ITGA2B: variants seen among roughly 807,000 people sequenced by gnomAD.
The protein encoded by ITGA2B is integrin alpha-IIb.
In ITGA2B, 91 loss-of-function variants were observed where a neutral mutation model predicts 142.0. The ratio of observed to expected loss-of-function variants is 0.64; its 90% CI spans 0.54 to 0.76. The LOEUF is 0.76. Ranked by LOEUF, ITGA2B falls within the 30% of genes least tolerant of loss-of-function variation. The pLI is 0.00. For missense variants in ITGA2B, 1,231 were observed against 1,350.8 expected (o/e 0.91, Z 1.39); for synonymous variants, 536 against 567.2 (o/e 0.94, Z 0.78).
intron 5 of ITGA2B, 29 bp from the exon 6 acceptor site, chr17:44,385,238 G>T (rs746009437): frequency 1.2e-6 from 2 of 1,613,820 alleles, no homozygotes; most frequent in Non-Finnish European, 1.7e-6. Flanking sequence ...GGGTGAGAGG[G>T]GGCCCTGTTT....
chr17:44,374,211 T>C, intron 29 of ITGA2B, 143 bp downstream of exon 29: 1 of 788,656 alleles, frequency 1.3e-6, no homozygotes, highest in Non-Finnish European at 2.2e-6. Context: ...GGACCGAGAA[T>C]GACATTCTAA....
At chr17:44,378,190 G>A (rs1238211170) in intron 20 of ITGA2B, among the ~76,000 whole-genome samples, 172 bp downstream of exon 20, 3 of 151,724 alleles carry the variant, frequency 2.0e-5, no homozygotes, top group Non-Finnish European at 2.9e-5. Flanking sequence ...ATAGAGTTTT[G>A]GAATTCTGTG....
At chr17:44,380,516 G>T in intron 14 of ITGA2B, 26 bp from the exon 15 acceptor site, 1 of 1,613,704 alleles carries the variant, frequency 6.2e-7, no homozygotes, top group Non-Finnish European at 8.5e-7. Flanking sequence ...GATGGGGTAG[G>T]CTTGCCATTG....
Position 44,375,672 on chromosome 17 carries a change from C to T in ITGA2B, c.2646G>A (p.Pro882=), listed in dbSNP as rs748003471. ...LPIPSPSPIH[P]AHHKRDRRQI... ...GTCTGCGATCCCGCTTGTGATGGGC[C>T]GGGTGAATGGGGGAGGGGCTGGGGA... The change falls in exon 26 of 30, where the codon CCG becomes CCA. Residue 882 remains proline, a synonymous_variant. Transcript: ENST00000262407. 8.7e-6 allele frequency: 14 copies of T among 1,606,934 alleles called. No individual in the cohort carries two copies. The highest frequency in any genetic ancestry group is 2.2e-5 in the South Asian group (2 of 89,874).
At chr17:44,375,193 C>T in intron 26 of ITGA2B, 82 bp from the exon 27 acceptor site, 1 of 1,174,988 alleles carries the variant, frequency 8.5e-7, no homozygotes, top group Non-Finnish European at 1.2e-6. Flanking sequence ...CAGGACCCAA[C>T]GCAGAAGGGG....
At chr17:44,387,690 T>A (rs551439918) in intron 1 of ITGA2B, among the ~76,000 whole-genome samples, 44 of 151,160 alleles carry the variant, frequency 2.9e-4, no homozygotes, top group Middle Eastern at 6.9e-3. Flanking sequence ...CCGGGTGTGG[T>A]GGCACATGCC....
intron 18 of ITGA2B, among the ~76,000 whole-genome samples, chr17:44,379,461 C>T (rs530978810): frequency 6.6e-6 from 1 of 151,962 alleles, no homozygotes; most frequent in East Asian, 1.9e-4. Context: ...ACCATGTTGG[C>T]CAGGTTGGTC....
rs369298724 is a variant in ITGA2B, at chr17:44,384,151, C to T, written c.892-13G>A. On this transcript the variant is annotated splice_polypyrimidine_tract_variant and intron_variant, in intron 9 of 29. Transcript: ENST00000262407. ...CCAAAATTTCCACCTGCACGGACAG[C>T]GCAGGCGAGAGCATCATTCTTGTAC... The T allele has an allele frequency of 4.2e-5, 67 of 1,612,448 alleles. No homozygotes were observed. The highest frequency in any genetic ancestry group is 1.6e-4 in the Middle Eastern group (1 of 6,082).
At chr17:44,383,468 A>G (rs2048613332) in intron 12 of ITGA2B, 25 bp downstream of exon 12, 1 of 1,585,814 alleles carries the variant, frequency 6.3e-7, no homozygotes, top group South Asian at 1.1e-5. Context: ...CCTCTGCAGC[A>G]AGTAGGGCTC....
intron 26 of ITGA2B, 106 bp from the exon 27 acceptor site, chr17:44,375,217 A>AAGCGGTG: frequency 1.1e-6 from 1 of 938,400 alleles, no homozygotes. Flanking sequence ...GGGGTTCAGG[A>AAGCGGTG]AGCGGTGGCC....
At position 44,380,611 on chromosome 17, in the gene ITGA2B, C is replaced by CACCT. The variant is rs779058045; in HGVS notation, c.1424_1427dup (p.Ala477GlyfsTer111). The CACCT allele has an allele frequency of 6.8e-6, 11 of 1,614,236 alleles. No individual in the cohort carries two copies. In the South Asian group the frequency reaches 1.2e-4, roughly 18 times the overall value. On this transcript the variant is annotated frameshift_variant, in exon 14 of 30. Transcript: ENST00000262407. LOFTEE classifies it high-confidence loss of function. ...GAGCCAGTGCTCACCTGTACACAGC[C>CACCT]ACCTGGTTGGCCCCGTAAGCTCCCA...
intron 1 of ITGA2B, among the ~76,000 whole-genome samples, chr17:44,386,356 G>T (rs541708683): frequency 6.6e-6 from 1 of 152,320 alleles, no homozygotes; most frequent in Admixed American, 6.5e-5. Context: ...AGTGAGTTGA[G>T]AGTAGAGCTG....
chr17:44,374,830 A>G lies in ITGA2B; in HGVS notation c.2842-70T>C, dbSNP rs1015589731. On this transcript the variant is annotated intron_variant, in intron 27 of 29. Coordinates refer to ENST00000262407, the MANE Select transcript of ITGA2B (RefSeq NM_000419.5). ...TATTGGTTGCAGGAGTCCAGGTCCC[A>G]CACCCCCGGCGGGGAAGCCCTGCCT... 7 of 1,422,502 alleles carry G rather than the reference A, an allele frequency of 4.9e-6. No homozygotes were observed. The African/African-American group carries it at 8.4e-5, about 17-fold the overall frequency. 88.1% of individuals were successfully genotyped at this position (1,422,502 alleles called of 1,614,324 possible).
At chr17:44,380,195 C>A in intron 16 of ITGA2B, 42 bp from the exon 17 acceptor site, 1 of 1,614,072 alleles carries the variant, frequency 6.2e-7, no homozygotes, top group Non-Finnish European at 8.5e-7. Context: ...CCTGGCCAGC[C>A]TCCGGGGGAG....
chr17:44,383,875 G>A lies in ITGA2B; in HGVS notation c.998+19C>T. ...ATTTGGGACCCAACTGGGTAGGGGT[G>A]GGGCATGTCCCTCCTCACCCATCCC... On this transcript the variant is annotated intron_variant, in intron 11 of 29. Transcript: ENST00000262407. 6.2e-7 allele frequency: 1 copy of A among 1,612,784 alleles called. No homozygotes were observed. Among genetic ancestry groups the A allele is most frequent in the Non-Finnish European group, 8.5e-7 (1 of 1,179,726 alleles).
intron 12 of ITGA2B, among the ~76,000 whole-genome samples, chr17:44,382,668 A>ATGCC (rs1368294088): frequency 6.6e-6 from 1 of 152,014 alleles, no homozygotes; most frequent in Non-Finnish European, 1.5e-5. Context: ...ATGAGCCACC[A>ATGCC]TGCCTGGCAC....
At chr17:44,388,466 C>T (rs2048669395) in intron 1 of ITGA2B, among the ~76,000 whole-genome samples, 1 of 151,014 alleles carries the variant, frequency 6.6e-6, no homozygotes, top group South Asian at 2.1e-4. Flanking sequence ...AAACGATTCT[C>T]CTGCCTCAGC....
intron 18 of ITGA2B, 103 bp from the exon 19 acceptor site, chr17:44,378,813 T>A: frequency 1.0e-6 from 1 of 991,754 alleles, no homozygotes; most frequent in South Asian, 1.4e-5. Flanking sequence ...ACATAGGGGC[T>A]TAGGGAGTAA....
At chr17:44,373,912 TC>T in intron 29 of ITGA2B, 1 of 181,616 alleles carries the variant, frequency 5.5e-6, no homozygotes. Context: ...TCTATTTTTT[TC>T]TTTTTTTTTT....
Sources: gnomAD v4.1 joint callset for allele counts (sites outside exome capture counted in the v4.1 genomes callset) on GRCh38, gnomAD v4.1.1 for gene constraint, MANE v1.5 for transcripts, NCBI Gene and HGNC (gene_info 2026-07-23, HGNC 2026-07-21) for gene names.